The following KLF13 variants were observed in gnomAD, a reference collection of about 807,000 sequenced individuals.
KLF13 encodes KLF transcription factor 13.
A neutral mutation model predicts 16.7 loss-of-function variants in KLF13; 8 were observed. The ratio of observed to expected loss-of-function variants is 0.48; its 90% CI spans 0.28 to 0.87. KLF13 has a LOEUF of 0.87. KLF13 is among the 40% of genes least tolerant of loss of function. The probability of loss-of-function intolerance (pLI) is 0.10; values close to 1 mark genes in which losing one functional copy is unlikely to be tolerated. For synonymous variants in KLF13, 245 were observed against 208.4 expected (o/e 1.18, Z -1.51); for missense variants, 447 against 452.2 (o/e 0.99, Z 0.10).
chr15:31,417,646 A>T (rs1043846300), intron 1 of KLF13, among the ~76,000 whole-genome samples: 1 of 151,512 alleles, frequency 6.6e-6, no homozygotes, highest in African/African-American at 2.4e-5. Context: ...GGTTCAAGGG[A>T]TTCTCCTGTC....
At chr15:31,351,612 T>G (rs988362225) in intron 1 of KLF13, among the ~76,000 whole-genome samples, 2 of 152,200 alleles carry the variant, frequency 1.3e-5, no homozygotes, top group Non-Finnish European at 2.9e-5. Context: ...GCAGGTTGCT[T>G]CTTTTCAGAA....
At chr15:31,349,198 C>G (rs2039176988) in intron 1 of KLF13, among the ~76,000 whole-genome samples, 1 of 152,138 alleles carries the variant, frequency 6.6e-6, no homozygotes, top group African/African-American at 2.4e-5. Context: ...CTTTTTTGCC[C>G]CTTAACTTTG....
At chr15:31,371,490 C>T (rs546108719) in intron 1 of KLF13, among the ~76,000 whole-genome samples, 127 of 152,366 alleles carry the variant, frequency 8.3e-4, no homozygotes, top group Admixed American at 4.4e-3. Flanking sequence ...AACTCACCTA[C>T]GCTGACCCTC....
At chr15:31,413,059 A>G (rs1053356604) in intron 1 of KLF13, among the ~76,000 whole-genome samples, 2 of 152,184 alleles carry the variant, frequency 1.3e-5, no homozygotes, top group Non-Finnish European at 2.9e-5. Context: ...CACTCTTGAA[A>G]ACAAAAGAAC....
At position 31,374,529 on chromosome 15, in the gene KLF13, T is replaced by C. The variant is rs2039611746; in HGVS notation, c.*2230T>C. 1 of 152,620 alleles carries C rather than the reference T, an allele frequency of 6.6e-6. No individual in the cohort carries two copies. Among genetic ancestry groups the C allele is most frequent in the South Asian group, 2.1e-4 (1 of 4,832 alleles). The allele number at this position is 152,620 out of a possible 1,614,324, so 9.5% of individuals were successfully genotyped here. ...CAAAGTGAGGTCCCTCCCAAAGTTG[T>C]TTTCGTGTGAGGCAGAGAAAGCCAC... On this transcript the variant is annotated 3_prime_UTR_variant, in exon 2 of 2. Coordinates refer to ENST00000307145, the MANE Select transcript of KLF13 (RefSeq NM_015995.4).
At chr15:31,399,954 C>T (rs1005067490) in intron 2 of KLF13, among the ~76,000 whole-genome samples, 4 of 152,238 alleles carry the variant, frequency 2.6e-5, no homozygotes, top group Non-Finnish European at 5.9e-5. Context: ...TAGCTGCCCC[C>T]TTTGAACTTG....
intron 1 of KLF13, among the ~76,000 whole-genome samples, chr15:31,354,441 C>T (rs1282269393): frequency 6.6e-6 from 1 of 152,162 alleles, no homozygotes; most frequent in African/African-American, 2.4e-5. Flanking sequence ...AGTGCAATGG[C>T]GCGATCTCAG....
intron 1 of KLF13, among the ~76,000 whole-genome samples, chr15:31,383,766 G>A (rs548465621): frequency 2.0e-5 from 3 of 152,304 alleles, no homozygotes; most frequent in South Asian, 2.1e-4. Context: ...GCTGGGCGTG[G>A]TGGTGGGCGC....
rs562123998 is a variant in KLF13, at chr15:31,413,016, G to A, written n.117+19325G>A. 1.5e-4 allele frequency among the ~76,000 whole-genome samples: 23 copies of A among 152,152 alleles called. No individual in the cohort carries two copies. The South Asian group carries it at 4.6e-3, about 30-fold the overall frequency. On this transcript the variant is annotated intron_variant and non_coding_transcript_variant, in intron 1 of 1. Transcript: ENST00000558225. ...CCTTCAAAGGAATCACAATTTGATC[G>A]GATGTCTTTGCAGAGGCATCAATGC...
upstream of KLF13, among the ~76,000 whole-genome samples, chr15:31,390,653 A>T (rs570530201): frequency 3.4e-4 from 51 of 152,204 alleles, no homozygotes; most frequent in African/African-American, 1.2e-3. Context: ...CTGCAGACCC[A>T]TGTCTCCTTA....
upstream of KLF13, among the ~76,000 whole-genome samples, chr15:31,391,885 C>T (rs556931520): frequency 2.0e-5 from 3 of 152,248 alleles, no homozygotes; most frequent in South Asian, 6.2e-4. Context: ...AACTGCCGGC[C>T]CGGGGGAGGA....
At chr15:31,364,451 A>T (rs1017224570) in intron 1 of KLF13, among the ~76,000 whole-genome samples, 4 of 152,246 alleles carry the variant, frequency 2.6e-5, no homozygotes, top group African/African-American at 9.6e-5. Context: ...GACAGGGCAC[A>T]CCTGCCCCCC....
At chr15:31,408,172 G>T (rs1441529317), downstream of KLF13, among the ~76,000 whole-genome samples, 2 of 152,106 alleles carry the variant, frequency 1.3e-5, no homozygotes, top group Non-Finnish European at 2.9e-5. Flanking sequence ...AAAAATAAAA[G>T]AATTCTGCAA....
Position 31,377,074 on chromosome 15 carries a change from C to G in KLF13, c.*4775C>G, listed in dbSNP as rs989033322. On this transcript the variant is annotated 3_prime_UTR_variant, in exon 2 of 2. Coordinates refer to ENST00000307145, the MANE Select transcript of KLF13 (RefSeq NM_015995.4). ...TTTCCCTGGCCTCTTCTAGAGGGCC[C>G]GTGGACAGGTCGCAGTGCGTGCTTA... 6.6e-6 allele frequency: 1 copy of G among 152,110 alleles called. No homozygotes were observed. The highest frequency in any genetic ancestry group is 6.5e-5 in the Admixed American group (1 of 15,272). 9.4% of individuals were successfully genotyped at this position (152,110 alleles called of 1,614,324 possible). A position where few individuals can be genotyped will look rare whatever the true frequency, so the allele number is the denominator to read the frequency against.
chr15:31,337,164 A>G (rs548702676), intron 1 of KLF13, among the ~76,000 whole-genome samples: 229 of 152,246 alleles, frequency 1.5e-3, no homozygotes, highest in African/African-American at 5.3e-3. Flanking sequence ...TCCCTCTCCC[A>G]CTAGGCATGC....
intron 1 of KLF13, among the ~76,000 whole-genome samples, chr15:31,328,251 G>A (rs570886854): frequency 6.6e-6 from 1 of 151,246 alleles, no homozygotes; most frequent in Admixed American, 6.6e-5. Context: ...CGCTCAGGAG[G>A]GGAGGGGCCG....
intron 1 of KLF13, among the ~76,000 whole-genome samples, chr15:31,409,820 A>T (rs2040169494): frequency 6.6e-6 from 1 of 152,202 alleles, no homozygotes; most frequent in Non-Finnish European, 1.5e-5. Flanking sequence ...ACTTTCTCAG[A>T]TAAATAAAAA....
At chr15:31,346,461 C>G (rs946202259) in intron 1 of KLF13, among the ~76,000 whole-genome samples, 3 of 152,192 alleles carry the variant, frequency 2.0e-5, no homozygotes, top group Admixed American at 6.5e-5. Context: ...CTGCGGCCAC[C>G]CACACAGCTG....
intron 2 of KLF13, among the ~76,000 whole-genome samples, chr15:31,395,175 TC>T (rs1193438543): frequency 6.6e-6 from 1 of 152,192 alleles, no homozygotes; most frequent in African/African-American, 2.4e-5. Context: ...AGATGGCGTT[TC>T]ACCACGTTGG....
Sources: gnomAD v4.1 joint callset for allele counts (sites outside exome capture counted in the v4.1 genomes callset) on GRCh38, gnomAD v4.1.1 for gene constraint, MANE v1.5 for transcripts, NCBI Gene and HGNC (gene_info 2026-07-23, HGNC 2026-07-21) for gene names.